TRAPPC9: variants seen among roughly 807,000 people sequenced by gnomAD.
TRAPPC9 encodes IKK2 binding protein.
In TRAPPC9, 83 loss-of-function variants were observed where a neutral mutation model predicts 124.0. The observed-to-expected ratio is 0.67, with a 90% confidence interval of 0.56 to 0.80. TRAPPC9 has a LOEUF of 0.80. Ranked by LOEUF, TRAPPC9 falls within the 30% of genes least tolerant of loss-of-function variation. The pLI, the probability that TRAPPC9 is intolerant of heterozygous loss-of-function variation, is 0.00. For missense variants in TRAPPC9, 1,302 were observed against 1,508.3 expected, an observed-to-expected ratio of 0.86 and a Z score of 2.27; for synonymous variants, 638 against 617.5, an observed-to-expected ratio of 1.03 and a Z score of -0.49.
At chr8:140,404,841 TG>T (rs910791214) in intron 6 of TRAPPC9, among the ~76,000 whole-genome samples, 1 of 152,032 alleles carries the variant, frequency 6.6e-6, no homozygotes, top group African/African-American at 2.4e-5. Flanking sequence ...AGCATGCGTG[TG>T]TACGTGCCTG....
intron 7 of TRAPPC9, among the ~76,000 whole-genome samples, chr8:140,389,856 AAAG>A (rs2068873278): frequency 1.3e-5 from 2 of 151,980 alleles, no homozygotes; most frequent in Non-Finnish European, 2.9e-5. Context: ...AAAAAAAAAA[AAAG>A]ATAAAAATCA....
chr8:139,758,063 CA>C (rs1230599764), intron 21 of TRAPPC9, among the ~76,000 whole-genome samples: 6 of 152,196 alleles, frequency 3.9e-5, no homozygotes, highest in Non-Finnish European at 5.9e-5. Context: ...GAGAAGAAAG[CA>C]ATTAGAAGAT....
intron 19 of TRAPPC9, among the ~76,000 whole-genome samples, chr8:139,971,831 A>AC (rs1165818948): frequency 1.9e-4 from 28 of 149,190 alleles, no homozygotes; most frequent in African/African-American, 5.4e-4. Flanking sequence ...ACACACACAC[A>AC]ATTTTTTTTT....
chr8:140,082,187 G>A (rs1232692993), intron 17 of TRAPPC9: 6 of 151,962 alleles, frequency 3.9e-5, no homozygotes, highest in Non-Finnish European at 8.8e-5. Flanking sequence ...ACATGTTTCT[G>A]TTATCAGACC....
Position 140,097,198 on chromosome 8 carries a change from C to T in TRAPPC9, c.2557-73119G>A, listed in dbSNP as rs1387482027. The T allele has an allele frequency of 6.6e-6, 1 of 152,350 alleles. No homozygotes were observed. The highest frequency in any genetic ancestry group is 2.4e-5 in the African/African-American group (1 of 41,464). 9.4% of individuals were successfully genotyped at this position (152,350 alleles called of 1,614,324 possible). A position where few individuals can be genotyped will look rare whatever the true frequency, so the allele number is the denominator to read the frequency against. On this transcript the variant is annotated intron_variant, in intron 17 of 22. Transcript: ENST00000438773. The surrounding 1 kb of genome is among the most constrained non-coding windows in gnomAD (Gnocchi z 4.2). ...ACAAAGCAAAGACACCTGCCCTGGT[C>T]CTCCGTGCAGCTGGCACGGAGTCAC...
intron 17 of TRAPPC9, among the ~76,000 whole-genome samples, chr8:140,137,610 C>T (rs2061325738): frequency 6.6e-6 from 1 of 152,214 alleles, no homozygotes; most frequent in Admixed American, 6.5e-5. Context: ...CAGCCCCACC[C>T]CGCACCTGCT....
In TRAPPC9 at chr8:140,182,284, CCCTAAGA is replaced by C. The variant is rs1436965771; in HGVS notation, c.2556+39168_2556+39174del. ...GCAAATGTTTCCGAAGCCTGCCTTT[CCCTAAGA>C]CCTTGGTCTATTCAACTGTTTTCTA... is the stretch of plus-strand genomic sequence containing the variant. On this transcript the variant is annotated intron_variant, in intron 17 of 22. Transcript: ENST00000438773. The surrounding 1 kb of genome is among the most constrained non-coding windows in gnomAD (Gnocchi z 4.0). 2.0e-5 allele frequency among the ~76,000 whole-genome samples: 3 copies of C among 151,864 alleles called. No individual in the cohort carries two copies. Among genetic ancestry groups the C allele is most frequent in the African/African-American group, 7.3e-5 (3 of 41,322 alleles).
intron 21 of TRAPPC9, among the ~76,000 whole-genome samples, chr8:139,885,525 C>T (rs940449887): frequency 6.6e-6 from 1 of 152,194 alleles, no homozygotes; most frequent in Non-Finnish European, 1.5e-5. Flanking sequence ...GCACACACCC[C>T]GCCAGACACA....
chr8:140,017,601 A>G (rs763492663), intron 18 of TRAPPC9, among the ~76,000 whole-genome samples: 9 of 152,202 alleles, frequency 5.9e-5, no homozygotes, highest in Non-Finnish European at 1.2e-4. Context: ...CTTTACACCA[A>G]TAACATACTC....
intron 21 of TRAPPC9, among the ~76,000 whole-genome samples, chr8:139,837,737 C>T (rs1366031384): frequency 1.3e-5 from 2 of 152,208 alleles, no homozygotes; most frequent in Admixed American, 6.5e-5. Context: ...GGTCTCTCGT[C>T]CTTCCAGGCA....
At chr8:140,098,624 C>T (rs1449900984) in intron 17 of TRAPPC9, 3 of 151,978 alleles carry the variant, frequency 2.0e-5, no homozygotes, top group Non-Finnish European at 4.4e-5. Flanking sequence ...GGTGGGGACA[C>T]CCAGTTAGGT....
At chr8:140,372,162 C>G (rs913862285) in intron 7 of TRAPPC9, among the ~76,000 whole-genome samples, 1 of 152,236 alleles carries the variant, frequency 6.6e-6, no homozygotes, top group African/African-American at 2.4e-5. Context: ...GTATCAGGGA[C>G]AAGACCTGAC....
intron 21 of TRAPPC9, among the ~76,000 whole-genome samples, chr8:139,751,933 A>T (rs931088315): frequency 6.7e-6 from 1 of 148,638 alleles, no homozygotes; most frequent in Non-Finnish European, 1.5e-5. Context: ...TCTATCCACC[A>T]TCTACCCACC....
At chr8:139,798,888 G>A (rs1012187421) in intron 21 of TRAPPC9, among the ~76,000 whole-genome samples, 9 of 152,148 alleles carry the variant, frequency 5.9e-5, no homozygotes, top group South Asian at 2.1e-4. Flanking sequence ...TCAAGGTGTC[G>A]GCGGGGCTGT....
intron 16 of TRAPPC9, among the ~76,000 whole-genome samples, chr8:140,248,486 A>G (rs1010861205): frequency 6.6e-6 from 1 of 152,232 alleles, no homozygotes; most frequent in African/African-American, 2.4e-5. Flanking sequence ...GCAGACGGTG[A>G]AACCGTGTTG....
chr8:140,134,798 G>T (rs961385720), intron 17 of TRAPPC9, among the ~76,000 whole-genome samples: 2 of 152,106 alleles, frequency 1.3e-5, no homozygotes, highest in African/African-American at 4.8e-5. Context: ...ACAAGCAAAT[G>T]AAGAAACAAA....
chr8:140,237,011 CCTCTATTAAAAATAAAAAAATTAG>C (rs1024369713), intron 16 of TRAPPC9, among the ~76,000 whole-genome samples: 1 of 151,766 alleles, frequency 6.6e-6, no homozygotes, highest in Non-Finnish European at 1.5e-5. Flanking sequence ...TGAAACCCCG[CCTCTATTAAAAATAAAAAAATTAG>C]CTGAGCGTGG....
At chr8:139,988,105 C>CTTTT (rs773534032) in intron 19 of TRAPPC9, among the ~76,000 whole-genome samples, 184 of 114,472 alleles carry the variant, frequency 1.6e-3, no homozygotes, top group African/African-American at 5.7e-3. Context: ...GATACCACCT[C>CTTTT]TTTTTTTTTT....
At chr8:139,763,513 C>A (rs1820373090) in intron 21 of TRAPPC9, among the ~76,000 whole-genome samples, 1 of 151,936 alleles carries the variant, frequency 6.6e-6, no homozygotes, top group Non-Finnish European at 1.5e-5. Context: ...GTGCTAGGCA[C>A]TGTGCCAGGT....
Sources: allele counts gnomAD v4.1 joint callset (sites outside exome capture counted in the v4.1 genomes callset), GRCh38; gene constraint gnomAD v4.1.1; non-coding constraint Gnocchi (gnomAD v3.1); transcripts MANE v1.5; gene names NCBI Gene and HGNC (gene_info 2026-07-23, HGNC 2026-07-21).